IRAK1BP1: variants seen among roughly 807,000 people sequenced by gnomAD.
IRAK1BP1 encodes interleukin-1 receptor-associated kinase 1-binding protein 1.
In IRAK1BP1, 24 loss-of-function variants were observed where a neutral mutation model predicts 28.0. The observed-to-expected ratio is 0.86, with a 90% CI of 0.62 to 1.20. IRAK1BP1 has a LOEUF of 1.20. IRAK1BP1 is among the 50% of genes most tolerant of loss of function. The pLI, the probability that IRAK1BP1 is intolerant of heterozygous loss-of-function variation, is 0.00. For synonymous variants in IRAK1BP1, 131 were observed against 116.3 expected (o/e 1.13, Z -0.81); for missense variants, 336 against 316.7 (o/e 1.06, Z -0.46).
At chr6:78,890,828 G>C (rs1040563999) in intron 2 of IRAK1BP1, among the ~76,000 whole-genome samples, 2 of 152,152 alleles carry the variant, frequency 1.3e-5, no homozygotes, top group Non-Finnish European at 2.9e-5. Flanking sequence ...AAGCAGACAG[G>C]GCTGACCAGA....
chr6:78,932,451 C>T (rs2321897), intron 4 of IRAK1BP1, among the ~76,000 whole-genome samples: 37,508 of 111,608 alleles, frequency 0.34, 5,335 homozygotes, highest in Admixed American at 0.42. Flanking sequence ...GATGGAGTTT[C>T]GCTGTTGTTG....
At chr6:78,973,143 C>T in the IRAK1BP1 span, among the ~76,000 whole-genome samples, 2 of 152,118 alleles carry the variant, frequency 1.3e-5, no homozygotes, top group East Asian at 1.9e-4. Flanking sequence ...TCGGGTTACG[C>T]TCAAAGGGAA....
the IRAK1BP1 span, among the ~76,000 whole-genome samples, chr6:78,960,789 A>G: frequency 6.6e-6 from 1 of 152,126 alleles, no homozygotes; most frequent in Non-Finnish European, 1.5e-5. Context: ...GGCACAGGAT[A>G]GCCCCTCACA....
rs998497946 is a variant in IRAK1BP1, at chr6:78,867,775, C to T, written c.199C>T (p.Arg67Trp). ...CTCAGAAGTGTCTGCGGGCCCTGAC[C>T]GGGCGCAGGTGGTGGTGCGAGTGAG... Reference protein sequence around the residue: ...GTSEVSAGPDRAQVVVRVSST... With the variant: ...GTSEVSAGPDWAQVVVRVSST... Residue 67 changes from arginine to tryptophan, a missense_variant, in exon 1 of 4, where the codon CGG becomes TGG. By Grantham distance (101) the Arg-to-Trp change is moderately radical. Transcript: ENST00000369940. 6.2e-7 allele frequency: 1 copy of T among 1,613,880 alleles called. No individual in the cohort carries two copies. The highest frequency in any genetic ancestry group is 1.3e-5 in the African/African-American group (1 of 74,938).
the IRAK1BP1 span, chr6:78,969,886 G>A: frequency 6.2e-7 from 1 of 1,600,432 alleles, no homozygotes; most frequent in South Asian, 1.1e-5. Flanking sequence ...CTCAAGACTA[G>A]GAAATCTATA....
the IRAK1BP1 span, among the ~76,000 whole-genome samples, chr6:78,979,083 T>C: frequency 1.3e-5 from 2 of 151,974 alleles, no homozygotes; most frequent in African/African-American, 4.8e-5. Flanking sequence ...AAATACTATA[T>C]GCCATTTTTT....
chr6:78,869,138 G>T lies in IRAK1BP1; in HGVS notation c.315+1247G>T, dbSNP rs561616732. On this transcript the variant is annotated intron_variant, in intron 1 of 3. Coordinates refer to ENST00000369940, the MANE Select transcript of IRAK1BP1 (RefSeq NM_001010844.4). ...TGTAGAAAAATAGTTTTAAAAAACT[G>T]CTACTAGTGCTGTAGTCGTTTGAAT... Among the ~76,000 whole-genome samples, 8 of 152,318 alleles carry T rather than the reference G, an allele frequency of 5.3e-5. No individual in the cohort carries two copies. In the East Asian group the frequency reaches 1.3e-3, roughly 26 times the overall value.
At chr6:78,911,649 A>G (rs1772424205) in intron 4 of IRAK1BP1, among the ~76,000 whole-genome samples, 1 of 152,134 alleles carries the variant, frequency 6.6e-6, no homozygotes, top group Admixed American at 6.5e-5. Context: ...TTTCTCTCCA[A>G]TGTAGTCAAG....
chr6:78,882,081 C>T (rs906022628), intron 1 of IRAK1BP1, among the ~76,000 whole-genome samples: 5 of 151,742 alleles, frequency 3.3e-5, no homozygotes, highest in Non-Finnish European at 5.9e-5. Context: ...GGAATGACAC[C>T]CCAATAGCAG....
intron 4 of IRAK1BP1, chr6:78,945,277 G>A (rs758863569): frequency 7.4e-6 from 11 of 1,487,060 alleles, no homozygotes; most frequent in Non-Finnish European, 8.5e-6. Flanking sequence ...ACTGTATCTT[G>A]AAAGATACAA....
chr6:78,973,213 G>T, the IRAK1BP1 span, among the ~76,000 whole-genome samples: 2 of 151,798 alleles, frequency 1.3e-5, no homozygotes, highest in African/African-American at 4.8e-5. Flanking sequence ...AGAGAGTGGG[G>T]GCCAATATTC....
At chr6:78,965,609 A>C in the IRAK1BP1 span, 3 of 717,202 alleles carry the variant, frequency 4.2e-6, no homozygotes, top group Non-Finnish European at 4.9e-6. Context: ...TTTGATACTC[A>C]CAACTGTAAG....
intron 4 of IRAK1BP1, among the ~76,000 whole-genome samples, chr6:78,912,140 CTT>C (rs1294538022): frequency 6.6e-6 from 1 of 152,080 alleles, no homozygotes; most frequent in Non-Finnish European, 1.5e-5. Context: ...ACCATTATAG[CTT>C]TTTCTGGGAC....
chr6:78,970,783 G>A, the IRAK1BP1 span: 4 of 1,582,914 alleles, frequency 2.5e-6, no homozygotes, highest in African/African-American at 1.4e-5. Flanking sequence ...TGTCATACCC[G>A]TAGCTCCATT....
chr6:78,879,575 GTCAATATTGAGCATGTAGCA>G (rs1771146657), intron 1 of IRAK1BP1, among the ~76,000 whole-genome samples: 1 of 152,086 alleles, frequency 6.6e-6, no homozygotes, highest in African/African-American at 2.4e-5. Context: ...TTCAAAATTG[GTCAATATTGAGCATGTAGCA>G]TCTGTTGCCT....
chr6:78,977,682 A>G, the IRAK1BP1 span, among the ~76,000 whole-genome samples: 1 of 152,186 alleles, frequency 6.6e-6, no homozygotes, highest in African/African-American at 2.4e-5. Context: ...ATGTTGAAAT[A>G]ATGTATTAAA....
rs550399574 is a variant in IRAK1BP1, at chr6:78,911,154, T to C, written c.*67+8044T>C. Among the ~76,000 whole-genome samples the C allele has an allele frequency of 5.5e-4, 83 of 152,144 alleles. 1 individual carries two copies. The highest frequency in any genetic ancestry group is 2.6e-3 in the Admixed American group (40 of 15,286). On this transcript the variant is annotated intron_variant and NMD_transcript_variant, in intron 4 of 4. Coordinates refer to the IRAK1BP1 transcript ENST00000606868. ...AACTTCCTCTCAGGCTCCTACTCCATTCCTATCGCGACTGCTTGAGACCGG... is the reference window on the plus strand; with the variant it reads ...AACTTCCTCTCAGGCTCCTACTCCACTCCTATCGCGACTGCTTGAGACCGG...
intron 4 of IRAK1BP1, chr6:78,936,616 A>G (rs1452119773): frequency 6.6e-6 from 1 of 151,888 alleles, no homozygotes; most frequent in Admixed American, 6.6e-5. Flanking sequence ...TTTTATCTGC[A>G]TTAAAAAAGT....
intron 2 of IRAK1BP1, among the ~76,000 whole-genome samples, chr6:78,890,263 C>T (rs568637401): frequency 1.3e-5 from 2 of 150,630 alleles, no homozygotes; most frequent in Non-Finnish European, 3.0e-5. Context: ...CATACCAGGG[C>T]CTGTCAGGGG....
Sources: allele counts gnomAD v4.1 joint callset (sites outside exome capture counted in the v4.1 genomes callset), GRCh38; gene constraint gnomAD v4.1.1; transcripts MANE v1.5; gene names NCBI Gene and HGNC (gene_info 2026-07-23, HGNC 2026-07-21).